LPP: variants seen among roughly 807,000 people sequenced by gnomAD.
LPP encodes the protein LIM domain containing preferred translocation partner in lipoma, also known as lipoma-preferred partner.
LPP carries 38 observed loss-of-function variants against 60.4 expected under a neutral mutation model. That is an observed-to-expected ratio of 0.63 (90% CI 0.49 to 0.83). The LOEUF (loss-of-function observed/expected upper bound fraction) is 0.83, where lower values mean the gene tolerates loss of function less well. Among genes scored for constraint, LPP ranks in the 40% least tolerant of loss-of-function variants. The pLI, the probability that LPP is intolerant of heterozygous loss-of-function variation, is 0.00. For missense variants in LPP, 902 were observed against 783.6 expected (o/e 1.15, Z -1.80); for synonymous variants, 328 against 290.8 (o/e 1.13, Z -1.30).
At chr3:188,627,013 C>A (rs1317081058) in intron 7 of LPP, among the ~76,000 whole-genome samples, 1 of 152,120 alleles carries the variant, frequency 6.6e-6, no homozygotes, top group Non-Finnish European at 1.5e-5. Flanking sequence ...CTTTTTCTTA[C>A]ATTTTTAGCA....
chr3:188,202,155 A>T (rs1377001855), intron 1 of LPP, among the ~76,000 whole-genome samples: 1 of 151,900 alleles, frequency 6.6e-6, no homozygotes, highest in Non-Finnish European at 1.5e-5. Context: ...TTGAGAGCAG[A>T]AACGTAGCCT....
chr3:188,193,310 A>G (rs1728682927), intron 1 of LPP, among the ~76,000 whole-genome samples: 1 of 152,194 alleles, frequency 6.6e-6, no homozygotes, highest in African/African-American at 2.4e-5. Context: ...GCGATGAAGA[A>G]CATGGACTGT....
At chr3:188,583,683 A>G (rs921244271) in intron 6 of LPP, among the ~76,000 whole-genome samples, 1 of 152,218 alleles carries the variant, frequency 6.6e-6, no homozygotes, top group African/African-American at 2.4e-5. Flanking sequence ...CCAAGAGCTT[A>G]GCACAGTGTC....
intron 1 of LPP, among the ~76,000 whole-genome samples, chr3:188,223,323 G>A (rs1184909518): frequency 2.0e-5 from 3 of 152,134 alleles, no homozygotes; most frequent in Non-Finnish European, 4.4e-5. Context: ...ACCGGGTGGG[G>A]GGGATAAATG....
intron 3 of LPP, among the ~76,000 whole-genome samples, chr3:188,399,772 A>G (rs981754585): frequency 5.3e-5 from 8 of 152,214 alleles, no homozygotes. Flanking sequence ...GTTGGATAAT[A>G]TGATGTAACG....
chr3:188,251,294 CAAT>C (rs1434394760), intron 2 of LPP, among the ~76,000 whole-genome samples: 2 of 151,504 alleles, frequency 1.3e-5, no homozygotes, highest in Non-Finnish European at 2.9e-5. Context: ...TTGTTGTTAG[CAAT>C]TGATTAATTG....
At chr3:188,210,886 C>T (rs977868978) in intron 1 of LPP, among the ~76,000 whole-genome samples, 2 of 152,116 alleles carry the variant, frequency 1.3e-5, no homozygotes, top group Admixed American at 6.5e-5. Flanking sequence ...TGACGTCCCA[C>T]GCCCACCCGC....
chr3:188,707,268 G>A (rs1440075364), intron 7 of LPP, among the ~76,000 whole-genome samples: 2 of 152,052 alleles, frequency 1.3e-5, no homozygotes, highest in Non-Finnish European at 2.9e-5. Context: ...CCCAAGCAGT[G>A]TACACTGTAC....
At chr3:188,612,105 T>TA (rs1253264456) in intron 7 of LPP, among the ~76,000 whole-genome samples, 3 of 152,252 alleles carry the variant, frequency 2.0e-5, no homozygotes. Flanking sequence ...AAATTTTTGA[T>TA]ATATTTGTTT....
At chr3:188,542,296 G>A (rs1057027722) in intron 6 of LPP, among the ~76,000 whole-genome samples, 21 of 152,210 alleles carry the variant, frequency 1.4e-4, no homozygotes, top group African/African-American at 3.4e-4. Context: ...ACTATAAAGC[G>A]CTATACAAAG....
At position 188,446,244 on chromosome 3, in the gene LPP, T is replaced by C. The variant is rs16863322; in HGVS notation, c.194-38348T>C. On this transcript the variant is annotated intron_variant, in intron 4 of 11. Coordinates refer to ENST00000617246, the MANE Select transcript of LPP (RefSeq NM_001375462.1). ...AAGTGAGCATGAGAGCCCAGCTTCATTTTGCCACTCCAATCTCACACGGCC... is the reference window on the plus strand; with the variant it reads ...AAGTGAGCATGAGAGCCCAGCTTCACTTTGCCACTCCAATCTCACACGGCC... Among the ~76,000 whole-genome samples the C allele has an allele frequency of 6.9e-3, 1,052 of 152,288 alleles. 24 individuals are homozygous for C. In the East Asian group the frequency reaches 0.079, roughly 11 times the overall value.
intron 6 of LPP, among the ~76,000 whole-genome samples, chr3:188,542,838 A>G (rs1262915480): frequency 6.6e-6 from 1 of 152,142 alleles, no homozygotes; most frequent in African/African-American, 2.4e-5. Flanking sequence ...CCTTTCTTGA[A>G]GCCTCAGGTA....
intron 7 of LPP, among the ~76,000 whole-genome samples, chr3:188,669,209 A>G (rs1856430753): frequency 6.6e-6 from 1 of 152,166 alleles, no homozygotes; most frequent in South Asian, 2.1e-4. Flanking sequence ...TTGGTAATCA[A>G]GAGTCTTATT....
intron 3 of LPP, among the ~76,000 whole-genome samples, chr3:188,371,991 C>CTT (rs547260887): frequency 6.9e-5 from 10 of 144,866 alleles, no homozygotes; most frequent in African/African-American, 2.5e-4. Context: ...TTTTTCTTTT[C>CTT]TTTTTTTTTT....
chr3:188,286,446 G>A (rs975074977), intron 2 of LPP, among the ~76,000 whole-genome samples: 3 of 152,184 alleles, frequency 2.0e-5, no homozygotes, highest in African/African-American at 7.2e-5. Context: ...CTTACTCTAG[G>A]TGGATGAGAA....
Position 188,721,166 on chromosome 3 carries a change from A to G in LPP, c.1240+12773A>G, listed in dbSNP as rs75912012. On this transcript the variant is annotated intron_variant, in intron 8 of 11. Transcript: ENST00000617246. ...TTTTTATCCGACTTTGTCTTCCTTC[A>G]TGTCAATAACATCTATAATTTGATT... is the stretch of plus-strand genomic sequence containing the variant. Among the ~76,000 whole-genome samples the G allele has an allele frequency of 3.5e-4, 53 of 152,160 alleles. No homozygotes were observed. The East Asian group carries it at 8.7e-3, about 25-fold the overall frequency.
intron 8 of LPP, among the ~76,000 whole-genome samples, chr3:188,740,404 A>G (rs1288225382): frequency 6.6e-6 from 1 of 152,072 alleles, no homozygotes; most frequent in Non-Finnish European, 1.5e-5. Context: ...ATCCAAGCCC[A>G]ATATCCTACA....
intron 9 of LPP, among the ~76,000 whole-genome samples, chr3:188,791,635 T>C (rs919949472): frequency 3.9e-5 from 6 of 152,024 alleles, no homozygotes; most frequent in Non-Finnish European, 7.4e-5. Context: ...CTATCCGTAG[T>C]CTTTTGTGTG....
rs1281366899 is a variant in LPP at position 188,889,293 on chromosome 3, C to T, written c.*14814C>T. 8.7e-6 allele frequency: 2 copies of T among 231,138 alleles called. No homozygotes were observed. Among genetic ancestry groups the T allele is most frequent in the Non-Finnish European group, 1.7e-5 (2 of 116,762 alleles). The allele number at this position is 231,138 out of a possible 1,614,324, so 14.3% of individuals were successfully genotyped here. Reference sequence around the variant, plus strand: ...AGCAGCAGCATAGCCTAGAGTGATGCATTCTTACCCAGAGGTGGCAATAGG... The same window carrying T: ...AGCAGCAGCATAGCCTAGAGTGATGTATTCTTACCCAGAGGTGGCAATAGG... On this transcript the variant is annotated 3_prime_UTR_variant, in exon 12 of 12. Transcript: ENST00000617246.
Sources: allele counts gnomAD v4.1 joint callset (sites outside exome capture counted in the v4.1 genomes callset), GRCh38; gene constraint gnomAD v4.1.1; transcripts MANE v1.5; gene names NCBI Gene and HGNC (gene_info 2026-07-23, HGNC 2026-07-21).